The following MRPL13 variants were observed in gnomAD, a reference collection of about 807,000 sequenced individuals.
MRPL13 encodes large ribosomal subunit protein uL13m.
Under a neutral mutation model 29.0 loss-of-function variants are expected in MRPL13, and 33 were observed. The observed-to-expected ratio is 1.14, with a 90% confidence interval of 0.86 to 1.52. MRPL13 has a LOEUF of 1.52. Ranked by LOEUF, MRPL13 falls within the 40% of genes most tolerant of loss-of-function variation. MRPL13 has a pLI of 0.00. For missense variants in MRPL13, 227 were observed against 216.7 expected (o/e 1.05, Z -0.30); for synonymous variants, 77 against 68.4 (o/e 1.13, Z -0.62).
intron 6 of MRPL13, among the ~76,000 whole-genome samples, chr8:120,397,063 C>T (rs1312384095): frequency 6.6e-6 from 1 of 152,098 alleles, no homozygotes; most frequent in Non-Finnish European, 1.5e-5. Flanking sequence ...TGGCATGGAG[C>T]CAAAGAAACC....
chr8:120,410,698 C>T (rs1274830899), intron 6 of MRPL13, among the ~76,000 whole-genome samples: 1 of 152,076 alleles, frequency 6.6e-6, no homozygotes, highest in African/African-American at 2.4e-5. Flanking sequence ...GGCTCAAGAG[C>T]CACACGTCAA....
chr8:120,434,402 C>A (rs922766599), intron 2 of MRPL13, among the ~76,000 whole-genome samples: 13 of 152,132 alleles, frequency 8.5e-5, no homozygotes, highest in Admixed American at 7.9e-4. Context: ...CCTGCTACCA[C>A]TTTTACTATT....
intron 5 of MRPL13, chr8:120,414,318 C>T (rs1812779763): frequency 6.0e-6 from 2 of 333,208 alleles, no homozygotes; most frequent in Non-Finnish European, 1.0e-5. Context: ...TAATAAGATA[C>T]CTATTTTTTA....
chr8:120,435,827 G>C (rs981172329), intron 2 of MRPL13, among the ~76,000 whole-genome samples: 4 of 152,080 alleles, frequency 2.6e-5, no homozygotes, highest in African/African-American at 9.7e-5. Context: ...ATTCTGACTG[G>C]TGTGAGATGG....
chr8:120,445,103 A>C lies in MRPL13; in HGVS notation c.-9T>G. On this transcript the variant is annotated 5_prime_UTR_variant, in exon 1 of 7. Transcript: ENST00000306185. ...CTAGAGAAACTCGACATATTCCTCT[A>C]CTAGCAGGACCGTACGTCCTTCTCC... is the stretch of plus-strand genomic sequence containing the variant. 6.2e-7 allele frequency: 1 copy of C among 1,613,884 alleles called. No homozygotes were observed. The highest frequency in any genetic ancestry group is 8.5e-7 in the Non-Finnish European group (1 of 1,179,914).
At chr8:120,416,658 G>T (rs371227451) in intron 5 of MRPL13, among the ~76,000 whole-genome samples, 83 of 152,268 alleles carry the variant, frequency 5.5e-4, no homozygotes, top group African/African-American at 1.9e-3. Context: ...TTACACAAAA[G>T]TTGTGACAAT....
At chr8:120,424,461 A>G (rs1812909089) in intron 4 of MRPL13, among the ~76,000 whole-genome samples, 1 of 152,056 alleles carries the variant, frequency 6.6e-6, no homozygotes, top group Non-Finnish European at 1.5e-5. Flanking sequence ...GTCTTTAAAA[A>G]CATAAATTAA....
intron 4 of MRPL13, among the ~76,000 whole-genome samples, 198 bp downstream of exon 4, chr8:120,425,108 C>T (rs1812916817): frequency 6.6e-6 from 1 of 151,976 alleles, no homozygotes; most frequent in Admixed American, 6.6e-5. Context: ...AAATGCAAAA[C>T]ATAATACATA....
chr8:120,401,147 T>C (rs1370070242), intron 6 of MRPL13, among the ~76,000 whole-genome samples: 1 of 152,160 alleles, frequency 6.6e-6, no homozygotes, highest in Non-Finnish European at 1.5e-5. Context: ...CCTAACTTAT[T>C]TTATGAGGCC....
intron 4 of MRPL13, among the ~76,000 whole-genome samples, chr8:120,423,526 G>A (rs554137308): frequency 1.3e-5 from 2 of 152,070 alleles, no homozygotes; most frequent in Admixed American, 6.5e-5. Context: ...CAATTAAATC[G>A]ACATCTGATT....
At chr8:120,402,669 G>A (rs1812612303) in intron 6 of MRPL13, among the ~76,000 whole-genome samples, 2 of 152,138 alleles carry the variant, frequency 1.3e-5, no homozygotes, top group Admixed American at 6.5e-5. Context: ...AAACTAAAGA[G>A]CGTCTGTACA....
chr8:120,413,268 T>TA (rs1361738574), intron 6 of MRPL13, among the ~76,000 whole-genome samples: 2 of 152,240 alleles, frequency 1.3e-5, no homozygotes, highest in Non-Finnish European at 2.9e-5. Context: ...CAGTGCTAAA[T>TA]AAGACAAACA....
chr8:120,410,777 CCTTT>C (rs1022198575), intron 6 of MRPL13, among the ~76,000 whole-genome samples: 4 of 151,856 alleles, frequency 2.6e-5, no homozygotes, highest in South Asian at 2.1e-4. Flanking sequence ...CTCCTTCCTT[CCTTT>C]CTCTCTCTTT....
At chr8:120,435,635 CT>C (rs1813045895) in intron 2 of MRPL13, among the ~76,000 whole-genome samples, 1 of 152,046 alleles carries the variant, frequency 6.6e-6, no homozygotes, top group African/African-American at 2.4e-5. Context: ...GATGACGTAT[CT>C]TTGCTATTAT....
intron 2 of MRPL13, among the ~76,000 whole-genome samples, chr8:120,441,512 A>C (rs777421190): frequency 1.1e-4 from 17 of 152,190 alleles, no homozygotes; most frequent in Non-Finnish European, 2.2e-4. Context: ...GAATCCAGGG[A>C]AACAAGTGAA....
At position 120,422,614 on chromosome 8, in the gene MRPL13, A is replaced by G. The variant is rs559125457; in HGVS notation, c.307-2676T>C. Among the ~76,000 whole-genome samples the G allele has an allele frequency of 4.7e-5, 7 of 148,702 alleles. No individual in the cohort carries two copies. The South Asian group carries it at 1.3e-3, about 27-fold the overall frequency. On this transcript the variant is annotated intron_variant, in intron 4 of 6. Coordinates refer to ENST00000306185, the MANE Select transcript of MRPL13 (RefSeq NM_014078.6). Reference sequence around the variant, plus strand: ...CATATATAAACATATAAATATATATAAACTTATATATTTATGTAGTTAAAA... The same window carrying G: ...CATATATAAACATATAAATATATATGAACTTATATATTTATGTAGTTAAAA...
At position 120,414,357 on chromosome 8, in the gene MRPL13, A is replaced by G. The variant is rs1812780719; in HGVS notation, c.394-245T>C. 2.4e-5 allele frequency: 6 copies of G among 245,768 alleles called. No individual in the cohort carries two copies. In the South Asian group the frequency reaches 4.8e-4, roughly 19 times the overall value. The allele number at this position is 245,768 out of a possible 1,614,324, so 15.2% of individuals were successfully genotyped here. A position where few individuals can be genotyped will look rare whatever the true frequency, so the allele number is the denominator to read the frequency against. Reference sequence around the variant, plus strand: ...TGTGCTGTTTATTTCCCTCTTTTCAATTGCAAAAAGACACTGCTATGGCTC... The same window carrying G: ...TGTGCTGTTTATTTCCCTCTTTTCAGTTGCAAAAAGACACTGCTATGGCTC... On this transcript the variant is annotated intron_variant, in intron 5 of 6. Transcript: ENST00000306185.
intron 6 of MRPL13, among the ~76,000 whole-genome samples, chr8:120,398,920 TACACACACACACACAAAC>T: frequency 6.7e-6 from 1 of 149,234 alleles, no homozygotes; most frequent in East Asian, 2.0e-4. Flanking sequence ...CAGACAATAA[TACACACACACACACAAAC>T]ACACACACAC....
intron 6 of MRPL13, among the ~76,000 whole-genome samples, chr8:120,400,513 G>C (rs745545366): frequency 6.6e-6 from 1 of 151,710 alleles, no homozygotes; most frequent in East Asian, 1.9e-4. Context: ...AAATGCCCAC[G>C]ACAAAAAGCT....
Sources: allele counts gnomAD v4.1 joint callset (sites outside exome capture counted in the v4.1 genomes callset), GRCh38; gene constraint gnomAD v4.1.1; transcripts MANE v1.5; gene names NCBI Gene and HGNC (gene_info 2026-07-23, HGNC 2026-07-21).